DNAH1: variants seen among roughly 807,000 people sequenced by gnomAD.
DNAH1 encodes the protein dynein axonemal heavy chain 1.
In DNAH1, 327 loss-of-function variants were observed where a neutral mutation model predicts 484.3. That is an observed-to-expected ratio of 0.68 (90% CI 0.62 to 0.74). The LOEUF is 0.74. DNAH1 is among the 30% of genes least tolerant of loss of function. DNAH1 has a pLI of 0.00. For missense variants in DNAH1, 5,052 were observed against 5,546.8 expected, an observed-to-expected ratio of 0.91 and a Z score of 2.83; for synonymous variants, 2,192 against 2,191.9, an observed-to-expected ratio of 1.00 and a Z score of 0.00.
At chr3:52,372,137 G>A in intron 42 of DNAH1, 51 bp downstream of exon 42, 1 of 1,610,118 alleles carries the variant, frequency 6.2e-7, no homozygotes, top group Admixed American at 1.7e-5. Flanking sequence ...CCTATATTGG[G>A]GGTTGACCAG....
rs1160013496 is a variant in DNAH1 at position 52,396,498 on chromosome 3, A to G, written c.11390A>G (p.Tyr3797Cys). 4 of 1,610,004 alleles carry G rather than the reference A, an allele frequency of 2.5e-6. No homozygotes were observed. Among genetic ancestry groups the G allele is most frequent in the South Asian group, 2.2e-5 (2 of 90,506 alleles). Reference sequence around the variant, plus strand: ...GTCAGGGCCAACCTGCTGAAGTCCTATAGTAGCCTTGGTGAAGACTTCCTC... The same window carrying G: ...GTCAGGGCCAACCTGCTGAAGTCCTGTAGTAGCCTTGGTGAAGACTTCCTC... ...RGVRANLLKS[Y>C]SSLGEDFLNS... The change falls in exon 71 of 78, where the codon TAT (tyrosine) becomes TGT (cysteine). Residue 3797 changes from tyrosine to cysteine, a missense_variant. By Grantham distance (194) the Tyr-to-Cys change is radical. Around this residue, in one of 4 missense-constraint regions of DNAH1, gnomAD observed 853 missense variants for 899.0 expected, o/e 0.95. Coordinates refer to ENST00000420323, the MANE Select transcript of DNAH1 (RefSeq NM_015512.5).
Position 52,369,997 on chromosome 3 carries a change from C to T in DNAH1, c.6116C>T (p.Ala2039Val), listed in dbSNP as rs1041104976. 3.1e-6 allele frequency: 5 copies of T among 1,613,258 alleles called. No individual in the cohort carries two copies. In the African/African-American group the frequency reaches 5.3e-5, roughly 17 times the overall value. The stretch of plus-strand genomic sequence containing the variant: ...AAGCCCTATGAGGAGCATTTCAAGG[C>T]CCTCTTTGTCAGCTTCCTGGAGGTG... ...LLKPYEEHFK[A>V]LFVSFLEESI... is the part of the protein sequence containing the mutation. Residue 2039 changes from alanine (A) to valine (V), a missense_variant, in exon 38 of 78, where the codon GCC becomes GTC. By Grantham distance (64) the Ala-to-Val change is moderately conservative (BLOSUM62 0). This residue lies in a region of DNAH1 where 2,929 missense variants were observed against 3,409.4 expected (regional missense o/e 0.86). Coordinates refer to ENST00000420323, the MANE Select transcript of DNAH1 (RefSeq NM_015512.5).
chr3:52,350,550 G>A lies in DNAH1; in HGVS notation c.2689G>A (p.Glu897Lys), dbSNP rs2153223965. ...CATGGATGACTACCAGGTCATGGAT[G>A]AATTCCTCTACAACCTCAGCTCAGA... ...KVMDDYQVMDEFLYNLSSDDF... is the reference protein window; with the variant it reads ...KVMDDYQVMDKFLYNLSSDDF... The change falls in exon 16 of 78, where the codon GAA becomes AAA. Residue 897 changes from glutamate to lysine, a missense_variant. Glu to Lys is a moderately conservative substitution (Grantham distance 56, BLOSUM62 1). Transcript: ENST00000420323. 1 of 1,613,972 alleles carries A rather than the reference G, an allele frequency of 6.2e-7. No individual in the cohort carries two copies. Among genetic ancestry groups the A allele is most frequent in the Non-Finnish European group, 8.5e-7 (1 of 1,179,852 alleles).
intron 55 of DNAH1, 139 bp from the exon 56 acceptor site, chr3:52,386,523 A>G (rs1056575891): frequency 5.5e-6 from 7 of 1,282,146 alleles, no homozygotes; most frequent in African/African-American, 4.5e-5. Flanking sequence ...GGCTGAGGCC[A>G]ACCTCGGTGG....
At chr3:52,345,760 G>C (rs904647598) in intron 10 of DNAH1, 54 bp downstream of exon 10, 7 of 1,549,598 alleles carry the variant, frequency 4.5e-6, no homozygotes, top group Non-Finnish European at 6.1e-6. Context: ...CCTTGGAACT[G>C]GCAGGCACAG....
chr3:52,314,350 C>T (rs554190711), upstream of DNAH1, among the ~76,000 whole-genome samples: 3 of 152,208 alleles, frequency 2.0e-5, no homozygotes, highest in African/African-American at 4.8e-5. Context: ...GCATCCCCCC[C>T]TTGGGCCGCT....
At position 52,378,583 on chromosome 3, in the gene DNAH1, C is replaced by T. The variant is rs751575132; in HGVS notation, c.7199-19C>T. On this transcript the variant is annotated intron_variant, in intron 46 of 77. Coordinates refer to ENST00000420323, the MANE Select transcript of DNAH1 (RefSeq NM_015512.5). ...GGAGCTCCTGGCATGTGACCCAGGCCATTCTCCTATTCCCCCAGCTGGGGC... is the reference window on the plus strand; with the variant it reads ...GGAGCTCCTGGCATGTGACCCAGGCTATTCTCCTATTCCCCCAGCTGGGGC... The T allele has an allele frequency of 3.0e-5, 49 of 1,612,382 alleles. No individual in the cohort carries two copies. The East Asian group carries it at 1.1e-3, about 35-fold the overall frequency.
chr3:52,321,367 C>T lies in DNAH1; in HGVS notation c.-34-1042C>T, dbSNP rs1252583119. On this transcript the variant is annotated intron_variant, in intron 1 of 77. Coordinates refer to ENST00000420323, the MANE Select transcript of DNAH1 (RefSeq NM_015512.5). Reference sequence around the variant, plus strand: ...CTGACCTCAGGTGATCCACCCGCCTCGGCCTCCCAAAGTGCTGGGATTATA... The same window carrying T: ...CTGACCTCAGGTGATCCACCCGCCTTGGCCTCCCAAAGTGCTGGGATTATA... Among the ~76,000 whole-genome samples the T allele has an allele frequency of 2.0e-5, 3 of 152,184 alleles. No homozygotes were observed. In the East Asian group the frequency reaches 5.8e-4, roughly 29 times the overall value.
Position 52,349,303 on chromosome 3 carries a change from T to G in DNAH1, c.2409T>G (p.Ile803Met). 2.5e-6 allele frequency: 4 copies of G among 1,613,956 alleles called. No homozygotes were observed. The highest frequency in any genetic ancestry group is 3.4e-6 in the Non-Finnish European group (4 of 1,179,880). Residue 803 changes from isoleucine to methionine, a missense_variant, in exon 14 of 78, where the codon ATT becomes ATG. Physicochemically the swap from Ile to Met is conservative, Grantham distance 10. Transcript: ENST00000420323. ...GCTCGCTGCCCAGCAGCATCATCATTGGGCCTTTCTACATCAACACCGACA... is the reference window on the plus strand; with the variant it reads ...GCTCGCTGCCCAGCAGCATCATCATGGGGCCTTTCTACATCAACACCGACA... Reference protein sequence around the residue: ...LDSSLPSSIIIGPFYINTDNV... With the variant: ...LDSSLPSSIIMGPFYINTDNV...
intron 46 of DNAH1, among the ~76,000 whole-genome samples, chr3:52,376,890 C>T (rs752337604): frequency 3.3e-5 from 5 of 150,912 alleles, no homozygotes; most frequent in African/African-American, 4.9e-5. Flanking sequence ...CCCTTGTTCT[C>T]GCCTTCCCAG....
In DNAH1 at chr3:52,368,892, T is replaced by C; in HGVS notation, c.5917T>C (p.Ser1973Pro). 1.9e-6 allele frequency: 3 copies of C among 1,613,802 alleles called. No individual in the cohort carries two copies. The highest frequency in any genetic ancestry group is 1.7e-6 in the Non-Finnish European group (2 of 1,179,780). Residue 1973 changes from serine to proline, a missense_variant, in exon 37 of 78, where the codon TCT (serine) becomes CCT (proline). Physicochemically the swap from Ser to Pro is moderately conservative, Grantham distance 74. This residue lies in a region of DNAH1 where 2,929 missense variants were observed against 3,409.4 expected (regional missense o/e 0.86). Transcript: ENST00000420323. This position sits in a 1 kb window ranked among gnomAD's most constrained non-coding sequence, Gnocchi z 4.4. ...LDDNKKLCLS[S>P]GEIIKLTEAM... Reference sequence around the variant, plus strand: ...TGACAACAAGAAGCTGTGCCTCAGCTCTGGGGAGATCATCAAGCTCACAGA... The same window carrying C: ...TGACAACAAGAAGCTGTGCCTCAGCCCTGGGGAGATCATCAAGCTCACAGA...
Position 52,381,214 on chromosome 3 carries a change from C to G in DNAH1, c.7609-426C>G, listed in dbSNP as rs1239433573. Reference sequence around the variant, plus strand: ...CTCATGGGCTCTATCAGTCGTCCCACCTCAGCGTCCTGAGTAGCTGGGACC... The same window carrying G: ...CTCATGGGCTCTATCAGTCGTCCCAGCTCAGCGTCCTGAGTAGCTGGGACC... On this transcript the variant is annotated intron_variant, in intron 48 of 77. Coordinates refer to ENST00000420323, the MANE Select transcript of DNAH1 (RefSeq NM_015512.5). The surrounding 1 kb of genome is among the most constrained non-coding windows in gnomAD (Gnocchi z 4.1). 1.3e-5 allele frequency among the ~76,000 whole-genome samples: 2 copies of G among 152,190 alleles called. No individual in the cohort carries two copies. The highest frequency in any genetic ancestry group is 2.9e-5 in the Non-Finnish European group (2 of 68,044).
intron 14 of DNAH1, 87 bp downstream of exon 14, chr3:52,349,507 C>T (rs1246873205): frequency 2.3e-6 from 3 of 1,299,974 alleles, no homozygotes; most frequent in Admixed American, 1.9e-5. Flanking sequence ...GGCAAGATGT[C>T]CCCAAGCAGG....
intron 2 of DNAH1, among the ~76,000 whole-genome samples, chr3:52,323,231 AGGTACAAAGACCTGGGGTCCCTGAGAGAG>A (rs1468902311): frequency 6.6e-6 from 1 of 152,092 alleles, no homozygotes; most frequent in African/African-American, 2.4e-5. Flanking sequence ...GGGAGACAAC[AGGTACAAAGACCTGGGGTCCCTGAGAGAG>A]GGCACGGCTG....
At chr3:52,397,176 T>TC in intron 73 of DNAH1, 132 bp downstream of exon 73, 1 of 890,450 alleles carries the variant, frequency 1.1e-6, no homozygotes, top group Admixed American at 2.9e-5. Flanking sequence ...CATCAGTCAA[T>TC]CCATCCCATC....
At chr3:52,360,501 A>G (rs1447557121) in intron 28 of DNAH1, 77 bp downstream of exon 28, 6 of 1,256,602 alleles carry the variant, frequency 4.8e-6, no homozygotes, top group Non-Finnish European at 6.8e-6. Context: ...TCCAGGGACC[A>G]TGGCCACTCT....
Position 52,316,450 on chromosome 3 carries a change from TGCAGTGATCACTGA to T in DNAH1, c.-128_-115del, listed in dbSNP as rs1700954106. The stretch of plus-strand genomic sequence containing the variant: ...TCCCCTCACAGTCCTTTCTTCCTTC[TGCAGTGATCACTGA>T]GTACCTGTGTGAATGCCAACAAGAA... On this transcript the variant is annotated 5_prime_UTR_variant, in exon 1 of 78. An upstream open reading frame in the 5' UTR loses its in-frame stop. Coordinates refer to ENST00000420323, the MANE Select transcript of DNAH1 (RefSeq NM_015512.5). 1.3e-5 allele frequency: 2 copies of T among 152,434 alleles called. No homozygotes were observed. Among genetic ancestry groups the T allele is most frequent in the South Asian group, 4.1e-4 (2 of 4,834 alleles). 9.4% of individuals were successfully genotyped at this position (152,434 alleles called of 1,614,324 possible). A position where few individuals can be genotyped will look rare whatever the true frequency, so the allele number is the denominator to read the frequency against.
chr3:52,311,732 G>C (rs1335818048), upstream of DNAH1, among the ~76,000 whole-genome samples: 2 of 152,212 alleles, frequency 1.3e-5, no homozygotes, highest in East Asian at 3.8e-4. Context: ...GAAAGTGCTG[G>C]TTGTCATGGC....
At chr3:52,366,964 C>T (rs1337594249) in intron 36 of DNAH1, 77 bp downstream of exon 36, 2 of 1,513,268 alleles carry the variant, frequency 1.3e-6, no homozygotes, top group Non-Finnish European at 9.0e-7. Flanking sequence ...TCACCCCTCC[C>T]TCCATTAGCC....
Sources: allele counts gnomAD v4.1 joint callset (sites outside exome capture counted in the v4.1 genomes callset), GRCh38; gene constraint gnomAD v4.1.1; regional missense constraint gnomAD v4.1.1; non-coding constraint Gnocchi (gnomAD v3.1); transcripts MANE v1.5; gene names NCBI Gene and HGNC (gene_info 2026-07-23, HGNC 2026-07-21).